Variants in TMEM270 observed in about 807,000 individuals in gnomAD.
TMEM270 encodes the protein transmembrane protein 270, also known as Williams-Beuren syndrome chromosome region 28.
TMEM270 carries 30 observed loss-of-function variants against 29.9 expected under a neutral mutation model. That is an observed-to-expected ratio of 1.00 (90% CI 0.75 to 1.36). TMEM270 has a LOEUF of 1.36. Ranked by LOEUF, TMEM270 falls within the 40% of genes most tolerant of loss-of-function variation. The pLI is 0.00. For missense variants in TMEM270, 313 were observed against 307.1 expected (o/e 1.02, Z -0.14); for synonymous variants, 135 against 139.8 (o/e 0.97, Z 0.24).
Position 73,861,284 on chromosome 7 carries a change from G to GT in TMEM270, c.72+19dup. ...CAGTGCTGGTGAGTGGGGGCTGGGG[G>GT]TAAGTGGGGTGGGGACCACACACCA... On this transcript the variant is annotated intron_variant, in intron 1 of 2. Transcript: ENST00000320531. The GT allele has an allele frequency of 4.7e-6, 4 of 858,178 alleles. No homozygotes were observed. The highest frequency in any genetic ancestry group is 5.6e-6 in the Non-Finnish European group (3 of 540,178). The allele number at this position is 858,178 out of a possible 1,614,324, so 53.2% of individuals were successfully genotyped here. A position where few individuals can be genotyped will look rare whatever the true frequency, so the allele number is the denominator to read the frequency against.
At chr7:73,861,589 T>G (rs1342936039) in intron 1 of TMEM270, 5 of 478,770 alleles carry the variant, frequency 1.0e-5, no homozygotes, top group South Asian at 6.8e-5. Flanking sequence ...GCCGGGACTA[T>G]AGGTGTGCAC....
At chr7:73,861,122 C>G, upstream of TMEM270, 2 of 1,514,092 alleles carry the variant, frequency 1.3e-6, no homozygotes, top group South Asian at 2.2e-5. Flanking sequence ...CCCATGGTAA[C>G]TTGGTCCCCA....
chr7:73,865,067 G>A lies in TMEM270; in HGVS notation c.147G>A (p.Gly49=). 1.3e-6 allele frequency: 2 copies of A among 1,539,066 alleles called. No homozygotes were observed. The highest frequency in any genetic ancestry group is 1.3e-5 in the South Asian group (1 of 78,774). The change falls in exon 2 of 3, where the codon GGG becomes GGA. Residue 49 remains glycine, a synonymous_variant. Coordinates refer to ENST00000320531, the MANE Select transcript of TMEM270 (RefSeq NM_182504.4). ...KINLFNHWVS[G]LAQEARGSCN... is the part of the protein sequence containing the mutation. ...ACCTCTTCAACCACTGGGTGTCAGG[G>A]CTGGCCCAGGAGGCCCGGGGGTCCT...
chr7:73,861,287 A>C, intron 1 of TMEM270, 21 bp downstream of exon 1: 10 of 800,268 alleles, frequency 1.2e-5, no homozygotes, highest in Non-Finnish European at 1.8e-5. Flanking sequence ...GCTGGGGGTA[A>C]GTGGGGTGGG....
At chr7:73,861,157 C>T, upstream of TMEM270, 4 of 1,609,356 alleles carry the variant, frequency 2.5e-6, no homozygotes, top group Non-Finnish European at 3.4e-6. Context: ...TGAGGTCACC[C>T]TGCTTCTCCC....
At chr7:73,862,925 T>C (rs1396296967) in intron 1 of TMEM270, among the ~76,000 whole-genome samples, 1 of 138,092 alleles carries the variant, frequency 7.2e-6, no homozygotes, top group African/African-American at 2.7e-5. Flanking sequence ...TGTTTTACCC[T>C]CTAGCTGTGT....
chr7:73,865,465 G>A (rs199700018), intron 2 of TMEM270, 44 bp downstream of exon 2: 3 of 1,586,742 alleles, frequency 1.9e-6, no homozygotes, highest in African/African-American at 2.7e-5. Context: ...GGGCAAACCT[G>A]GGGTACTGGG....
At chr7:73,862,872 G>GAAAAA (rs71082281) in intron 1 of TMEM270, among the ~76,000 whole-genome samples, 4 of 44,082 alleles carry the variant, frequency 9.1e-5, no homozygotes, top group Admixed American at 3.5e-4. Context: ...CCCTGTCTCA[G>GAAAAA]AAAAAAAAAA....
At chr7:73,864,922 A>G (rs1378326624) in intron 1 of TMEM270, 71 bp from the exon 2 acceptor site, 2 of 1,324,634 alleles carry the variant, frequency 1.5e-6, no homozygotes, top group African/African-American at 1.5e-5. Flanking sequence ...AAAAAAGAAA[A>G]AGAAAAAGTG....
At position 73,865,605 on chromosome 7, in the gene TMEM270, A is replaced by T; in HGVS notation, c.530A>T (p.Lys177Met). 6.2e-7 allele frequency: 1 copy of T among 1,613,972 alleles called. No homozygotes were observed. Among genetic ancestry groups the T allele is most frequent in the Non-Finnish European group, 8.5e-7 (1 of 1,179,914 alleles). The change falls in exon 3 of 3, where the codon AAG becomes ATG. Residue 177 changes from lysine (K) to methionine (M), a missense_variant. By Grantham distance (95) the Lys-to-Met change is moderately conservative. Transcript: ENST00000320531. ...KALQVNCVVR[K>M]LLVQLRRLYW... Reference sequence around the variant, plus strand: ...TTGCAAGTGAACTGCGTGGTAAGGAAGCTCCTGGTACAGCTGAGACGTCTG... The same window carrying T: ...TTGCAAGTGAACTGCGTGGTAAGGATGCTCCTGGTACAGCTGAGACGTCTG...
At position 73,861,524 on chromosome 7, in the gene TMEM270, G is replaced by T. The variant is rs1332222880; in HGVS notation, c.72+258G>T. ...GAGCGCAGTGGTGCCGGCTCAGCTC[G>T]TTGCAGCCTCCAACTCCCGGTCTCA... On this transcript the variant is annotated intron_variant, in intron 1 of 2. Transcript: ENST00000320531. 4.9e-6 allele frequency: 3 copies of T among 611,122 alleles called. No homozygotes were observed. The African/African-American group carries it at 5.4e-5, about 11-fold the overall frequency. 37.9% of individuals were successfully genotyped at this position (611,122 alleles called of 1,614,324 possible).
intron 1 of TMEM270, 117 bp downstream of exon 1, chr7:73,861,383 G>T (rs1443698767): frequency 5.7e-5 from 52 of 916,374 alleles, no homozygotes; most frequent in Non-Finnish European, 6.9e-5. Flanking sequence ...CGAGGTGGCT[G>T]CCTGCCTTCC....
intron 1 of TMEM270, among the ~76,000 whole-genome samples, chr7:73,862,115 T>TC (rs1788801047): frequency 6.6e-6 from 1 of 150,636 alleles, no homozygotes; most frequent in South Asian, 2.1e-4. Flanking sequence ...TCTCTCTCTT[T>TC]TTTTTTTTTT....
chr7:73,864,903 C>CA (rs10675041), intron 1 of TMEM270, 90 bp from the exon 2 acceptor site: 178,933 of 920,750 alleles, frequency 0.19, 2,574 homozygotes, highest in African/African-American at 0.28. Context: ...AACTCCGTCT[C>CA]AAAAAAAAAA....
chr7:73,863,828 A>G (rs1053760056), intron 1 of TMEM270, among the ~76,000 whole-genome samples: 6 of 152,144 alleles, frequency 3.9e-5, no homozygotes, highest in African/African-American at 1.4e-4. Context: ...AGCCCTCCTG[A>G]TGCCAGGGGA....
At chr7:73,864,855 A>G in intron 1 of TMEM270, 138 bp from the exon 2 acceptor site, 1 of 735,824 alleles carries the variant, frequency 1.4e-6, no homozygotes, top group Non-Finnish European at 2.0e-6. Context: ...GTGAGCCGAG[A>G]TAGCGCCATT....
Position 73,865,018 on chromosome 7 carries a change from A to G in TMEM270, c.98A>G (p.Tyr33Cys). The change falls in exon 2 of 3, where the codon TAT becomes TGT. Residue 33 changes from tyrosine to cysteine, a missense_variant. Transcript: ENST00000320531. ...TTGGTTCAGAACCGAGATCACCTCT[A>G]TAATTTCCTGCTCCTCAAGATCAAC... ...VLLVQNRDHLYNFLLLKINLF... is the reference protein window; with the variant it reads ...VLLVQNRDHLCNFLLLKINLF... The G allele has an allele frequency of 2.0e-6, 3 of 1,512,572 alleles. No individual in the cohort carries two copies. Among genetic ancestry groups the G allele is most frequent in the Non-Finnish European group, 2.7e-6 (3 of 1,130,056 alleles). The allele number at this position is 1,512,572 out of a possible 1,614,324, so 93.7% of individuals were successfully genotyped here.
At chr7:73,861,065 C>T (rs145954983), upstream of TMEM270, 43 of 825,398 alleles carry the variant, frequency 5.2e-5, no homozygotes, top group African/African-American at 5.0e-4. Context: ...AGCAGTGGAG[C>T]GGCAGGAGCC....
intron 1 of TMEM270, among the ~76,000 whole-genome samples, chr7:73,864,748 C>A (rs1788860663): frequency 6.6e-6 from 1 of 151,802 alleles, no homozygotes; most frequent in Non-Finnish European, 1.5e-5. Flanking sequence ...ATTAAAAATA[C>A]AAAAACTAGC....
Sources: gnomAD v4.1 joint callset for allele counts (sites outside exome capture counted in the v4.1 genomes callset) on GRCh38, gnomAD v4.1.1 for gene constraint, MANE v1.5 for transcripts, NCBI Gene and HGNC (gene_info 2026-07-23, HGNC 2026-07-21) for gene names.